MYO10: variants seen among roughly 807,000 people sequenced by gnomAD.
The protein encoded by MYO10 is myosin X.
In MYO10, 133 loss-of-function variants were observed where a neutral mutation model predicts 257.3. The ratio of observed to expected loss-of-function variants is 0.52; its 90% confidence interval spans 0.45 to 0.60. The LOEUF is 0.60. Among genes scored for constraint, MYO10 ranks in the 20% least tolerant of loss-of-function variants. The pLI is 0.00. For missense variants in MYO10, 2,399 were observed against 2,635.7 expected (o/e 0.91, Z 1.97); for synonymous variants, 1,104 against 1,028.6 (o/e 1.07, Z -1.40).
chr5:16,864,645 C>T (rs1228168496), intron 2 of MYO10, among the ~76,000 whole-genome samples: 1 of 152,156 alleles, frequency 6.6e-6, no homozygotes, highest in African/African-American at 2.4e-5. Context: ...AATAAATGAG[C>T]TTTCTGTGCA....
At chr5:16,720,132 G>A (rs1385190253) in intron 19 of MYO10, among the ~76,000 whole-genome samples, 7 of 151,972 alleles carry the variant, frequency 4.6e-5, no homozygotes, top group Non-Finnish European at 1.0e-4. Context: ...CCTGACAAAT[G>A]CAGGCCCTTC....
intron 4 of MYO10, 57 bp from the exon 5 acceptor site, chr5:16,783,526 A>G: frequency 6.5e-7 from 1 of 1,539,268 alleles, no homozygotes; most frequent in Non-Finnish European, 8.8e-7. Flanking sequence ...AAAAAAAATC[A>G]GCTTTGGTCA....
chr5:16,915,036 T>C (rs1230048451), intron 1 of MYO10, among the ~76,000 whole-genome samples: 1 of 152,236 alleles, frequency 6.6e-6, no homozygotes, highest in African/African-American at 2.4e-5. Context: ...GAACAAGCTC[T>C]TCAAAGCTGG....
chr5:16,669,555 A>G (rs1442840906), intron 39 of MYO10, among the ~76,000 whole-genome samples: 2 of 152,188 alleles, frequency 1.3e-5, no homozygotes, highest in African/African-American at 2.4e-5. Flanking sequence ...CAGGAAGCCA[A>G]GAGTTTAACT....
intron 3 of MYO10, among the ~76,000 whole-genome samples, chr5:16,808,669 T>A (rs1742344552): frequency 6.6e-6 from 1 of 152,212 alleles, no homozygotes; most frequent in East Asian, 1.9e-4. Flanking sequence ...AAGGAATGTA[T>A]CTTTTTTATT....
At chr5:16,702,736 G>T in intron 23 of MYO10, 148 bp from the exon 24 acceptor site, 1 of 936,886 alleles carries the variant, frequency 1.1e-6, no homozygotes, top group Non-Finnish European at 1.6e-6. Flanking sequence ...TATTCTGTAT[G>T]AATAAAAATA....
Position 16,781,822 on chromosome 5 carries a change from T to C in MYO10, c.610A>G (p.Met204Val), listed in dbSNP as rs1339567570. 1 of 1,613,854 alleles carries C rather than the reference T, an allele frequency of 6.2e-7. No homozygotes were observed. The change falls in exon 6 of 41, where the codon ATG (methionine) becomes GTG (valine). Residue 204 changes from methionine (M) to valine (V), a missense_variant. Coordinates refer to ENST00000513610, the MANE Select transcript of MYO10 (RefSeq NM_012334.3). ...ERAILESSPIMEAFGNAKTVY... is the reference protein window; with the variant it reads ...ERAILESSPIVEAFGNAKTVY... ...GTCTTCGCATTGCCGAAAGCTTCCA[T>C]GATGGGGCTGTGAAGACAGTGAGGG...
At chr5:16,863,423 C>T (rs1019172816) in intron 2 of MYO10, among the ~76,000 whole-genome samples, 1 of 152,158 alleles carries the variant, frequency 6.6e-6, no homozygotes, top group African/African-American at 2.4e-5. Flanking sequence ...CTCCTGGTCT[C>T]ACCCATGGAT....
At position 16,711,272 on chromosome 5, in the gene MYO10, G is replaced by A. The variant is rs1212305794; in HGVS notation, c.1930-27C>T. On this transcript the variant is annotated intron_variant, in intron 19 of 40. Transcript: ENST00000513610. Reference sequence around the variant, plus strand: ...TAAACCATGCAAAAAAAAAAGATGGGATACCATTAGAAAAAATGGAATTCG... The same window carrying A: ...TAAACCATGCAAAAAAAAAAGATGGAATACCATTAGAAAAAATGGAATTCG... 1.0e-5 allele frequency: 16 copies of A among 1,590,858 alleles called. No individual in the cohort carries two copies. In the South Asian group the frequency reaches 1.8e-4, roughly 18 times the overall value.
Position 16,685,636 on chromosome 5 carries a change from A to G in MYO10, c.3990+102T>C, listed in dbSNP as rs1172748900. The G allele has an allele frequency of 4.6e-6, 4 of 862,216 alleles. No homozygotes were observed. In the African/African-American group the frequency reaches 6.8e-5, roughly 15 times the overall value. The allele number at this position is 862,216 out of a possible 1,614,324, so 53.4% of individuals were successfully genotyped here. Reference sequence around the variant, plus strand: ...TTCTATATTTACCTTTTAAAAAAAGACTGTCTGGAAATTCCCAATCTTTCC... The same window carrying G: ...TTCTATATTTACCTTTTAAAAAAAGGCTGTCTGGAAATTCCCAATCTTTCC... On this transcript the variant is annotated intron_variant, in intron 29 of 40. Transcript: ENST00000513610.
intron 19 of MYO10, among the ~76,000 whole-genome samples, chr5:16,748,004 A>T (rs1440985316): frequency 6.6e-6 from 1 of 151,762 alleles, no homozygotes; most frequent in African/African-American, 2.4e-5. Flanking sequence ...GAAGAATAAC[A>T]TGGGACCCAA....
intron 2 of MYO10, among the ~76,000 whole-genome samples, chr5:16,822,978 C>T (rs1341553237): frequency 2.0e-5 from 3 of 152,002 alleles, no homozygotes; most frequent in Non-Finnish European, 4.4e-5. Context: ...TGAGCCACCG[C>T]ACCCGGCCTA....
intron 40 of MYO10, among the ~76,000 whole-genome samples, chr5:16,667,601 G>A (rs1481935736): frequency 6.6e-6 from 1 of 152,004 alleles, no homozygotes; most frequent in Non-Finnish European, 1.5e-5. Context: ...CCCTCTCACT[G>A]CACGACTCCC....
chr5:16,828,677 G>A (rs915974929), intron 2 of MYO10, among the ~76,000 whole-genome samples: 1 of 151,620 alleles, frequency 6.6e-6, no homozygotes, highest in Non-Finnish European at 1.5e-5. Context: ...AGAGGGCAGG[G>A]TAGAGAGGAG....
intron 9 of MYO10, among the ~76,000 whole-genome samples, chr5:16,774,731 T>C (rs541464618): frequency 8.4e-4 from 128 of 152,236 alleles, no homozygotes; most frequent in Non-Finnish European, 1.5e-3. Flanking sequence ...AATGTTATGT[T>C]TTATCAAGTA....
intron 1 of MYO10, among the ~76,000 whole-genome samples, chr5:16,883,960 G>A (rs73754026): frequency 0.019 from 2,911 of 152,216 alleles, 98 homozygotes; most frequent in African/African-American, 0.067. Context: ...TCTCAGCCCC[G>A]GAACAGGGCA....
rs189528364 is a variant in MYO10 at position 16,849,016 on chromosome 5, C to T, written c.120+28593G>A. ...TGTTGCCCAGGCTGGAGTGCAGTGG[C>T]GCAATCATAGCTCACTGTAGCCTCG... On this transcript the variant is annotated intron_variant, in intron 2 of 40. Coordinates refer to ENST00000513610, the MANE Select transcript of MYO10 (RefSeq NM_012334.3). Among the ~76,000 whole-genome samples, 324 of 152,198 alleles carry T rather than the reference C, an allele frequency of 2.1e-3. 2 individuals carry two copies. The highest frequency in any genetic ancestry group is 1.5e-3 in the Non-Finnish European group (100 of 68,004).
chr5:16,842,964 T>C (rs1256839141), intron 2 of MYO10, among the ~76,000 whole-genome samples: 1 of 150,508 alleles, frequency 6.6e-6, no homozygotes. Context: ...TACAGGCTGC[T>C]GCCAAGATAA....
intron 2 of MYO10, among the ~76,000 whole-genome samples, chr5:16,820,922 T>C (rs1192053026): frequency 6.7e-6 from 1 of 148,170 alleles, no homozygotes; most frequent in Admixed American, 6.8e-5. Context: ...ATTTTACATA[T>C]ATAAAACATC....
Sources: allele counts gnomAD v4.1 joint callset (sites outside exome capture counted in the v4.1 genomes callset), GRCh38; gene constraint gnomAD v4.1.1; transcripts MANE v1.5; gene names NCBI Gene and HGNC (gene_info 2026-07-23, HGNC 2026-07-21).